CAMK2D: variants seen among roughly 807,000 people sequenced by gnomAD.
CAMK2D encodes the protein calcium/calmodulin-dependent protein kinase type II subunit delta.
CAMK2D carries 37 observed loss-of-function variants against 84.0 expected under a neutral mutation model. The ratio of observed to expected loss-of-function variants is 0.44; its 90% CI spans 0.34 to 0.58. CAMK2D has a LOEUF of 0.58. Ranked by LOEUF, CAMK2D falls within the 20% of genes least tolerant of loss-of-function variation. CAMK2D has a pLI of 0.02. For missense variants in CAMK2D, 448 were observed against 652.5 expected (o/e 0.69, Z 3.41); for synonymous variants, 202 against 212.5 (o/e 0.95, Z 0.43).
chr4:113,710,530 T>C (rs921635413), intron 2 of CAMK2D, among the ~76,000 whole-genome samples: 2 of 152,292 alleles, frequency 1.3e-5, no homozygotes, highest in South Asian at 2.1e-4. Context: ...ATTATTCCTT[T>C]CCTTTTATTC....
At position 113,460,236 on chromosome 4, in the gene CAMK2D, AT is replaced by A; in HGVS notation, c.1216del (p.Ile406SerfsTer17). On this transcript the variant is annotated frameshift_variant, in exon 18 of 21. Coordinates refer to ENST00000511664, the MANE Select transcript of CAMK2D (RefSeq NM_001321571.2). LOFTEE classifies it high-confidence loss of function. ...NNGDFEAYTK[I>X]CDPGLTAFEP... ...AAAAGCAGTAAGGCCTGGGTCACAG[AT>A]TTTTCTGTAAAAGAAAAATAATGAA... 1 of 1,574,850 alleles carries A rather than the reference AT, an allele frequency of 6.3e-7. No homozygotes were observed. Among genetic ancestry groups the A allele is most frequent in the Non-Finnish European group, 8.7e-7 (1 of 1,150,058 alleles).
At chr4:113,554,837 T>C (rs1179141548) in intron 4 of CAMK2D, among the ~76,000 whole-genome samples, 2 of 152,146 alleles carry the variant, frequency 1.3e-5, no homozygotes, top group African/African-American at 4.8e-5. Flanking sequence ...AATTAACTAA[T>C]TAGAGATTTT....
At chr4:113,633,440 A>G (rs966921001) in intron 3 of CAMK2D, among the ~76,000 whole-genome samples, 1 of 152,228 alleles carries the variant, frequency 6.6e-6, no homozygotes, top group Admixed American at 6.5e-5. Context: ...CAAAGAGTGC[A>G]ATAGGACACC....
intron 8 of CAMK2D, among the ~76,000 whole-genome samples, chr4:113,529,097 T>TTA (rs1015347837): frequency 5.3e-5 from 8 of 152,276 alleles, no homozygotes; most frequent in Admixed American, 2.6e-4. Context: ...ATATTCCTAT[T>TTA]TTACAGGTAA....
At chr4:113,568,330 T>TTG (rs2098735562) in intron 4 of CAMK2D, among the ~76,000 whole-genome samples, 1 of 152,208 alleles carries the variant, frequency 6.6e-6, no homozygotes, top group Admixed American at 6.5e-5. Context: ...CATTCAATAT[T>TTG]TGTGCTTTTG....
chr4:113,560,267 T>C (rs781644392), intron 4 of CAMK2D, among the ~76,000 whole-genome samples: 1 of 152,026 alleles, frequency 6.6e-6, no homozygotes, highest in Admixed American at 6.6e-5. Context: ...AATAGCTTCA[T>C]GGAGAGTTAA....
intron 12 of CAMK2D, among the ~76,000 whole-genome samples, chr4:113,512,637 A>ATCTC (rs1399002213): frequency 3.3e-5 from 5 of 152,088 alleles, no homozygotes; most frequent in African/African-American, 4.8e-5. Context: ...CAGTGGCGTG[A>ATCTC]TCTCTGCTCA....
intron 2 of CAMK2D, among the ~76,000 whole-genome samples, chr4:113,664,403 A>T (rs1384002739): frequency 6.6e-6 from 1 of 152,210 alleles, no homozygotes; most frequent in Non-Finnish European, 1.5e-5. Flanking sequence ...ACCAGGCTGC[A>T]ATCAAGGTGT....
chr4:113,606,442 C>G (rs1428402383), intron 4 of CAMK2D, among the ~76,000 whole-genome samples: 1 of 151,738 alleles, frequency 6.6e-6, no homozygotes, highest in African/African-American at 2.4e-5. Context: ...TGCACTCAAG[C>G]CTGAATCGCA....
chr4:113,584,550 G>A (rs1464672648), intron 4 of CAMK2D, among the ~76,000 whole-genome samples: 4 of 152,202 alleles, frequency 2.6e-5, no homozygotes, highest in Admixed American at 2.6e-4. Context: ...TCATGAACCA[G>A]AGAGGCTTCC....
intron 2 of CAMK2D, among the ~76,000 whole-genome samples, chr4:113,673,177 T>C (rs2099300153): frequency 1.3e-5 from 2 of 152,018 alleles, no homozygotes; most frequent in African/African-American, 2.4e-5. Flanking sequence ...GGTACCAAAT[T>C]GGAAGGGAAT....
chr4:113,622,042 T>C (rs563569434), intron 3 of CAMK2D, among the ~76,000 whole-genome samples: 35 of 152,324 alleles, frequency 2.3e-4, no homozygotes, highest in African/African-American at 7.9e-4. Context: ...TTCTTTTTTT[T>C]CAAAATTAAC....
At chr4:113,755,017 C>T in intron 2 of CAMK2D, 1 of 983,016 alleles carries the variant, frequency 1.0e-6, no homozygotes, top group Non-Finnish European at 1.2e-6. Flanking sequence ...AATCCATCTA[C>T]ATAGTCTCAG....
At chr4:113,493,779 C>T (rs2097882432) in intron 16 of CAMK2D, among the ~76,000 whole-genome samples, 1 of 151,656 alleles carries the variant, frequency 6.6e-6, no homozygotes, top group Non-Finnish European at 1.5e-5. Context: ...TTCAGGTACA[C>T]CAATCAGACG....
intron 2 of CAMK2D, among the ~76,000 whole-genome samples, chr4:113,739,740 G>A (rs929946521): frequency 1.3e-5 from 2 of 152,050 alleles, no homozygotes; most frequent in African/African-American, 4.8e-5. Flanking sequence ...TTTACAAAGT[G>A]AAAATGGTCA....
chr4:113,699,462 C>T (rs1015488985), intron 2 of CAMK2D, among the ~76,000 whole-genome samples: 1 of 152,080 alleles, frequency 6.6e-6, no homozygotes. Context: ...CACAGAACAT[C>T]AACTAGAAGC....
chr4:113,732,211 A>G (rs1250276666), intron 2 of CAMK2D, among the ~76,000 whole-genome samples: 1 of 151,838 alleles, frequency 6.6e-6, no homozygotes, highest in African/African-American at 2.4e-5. Context: ...GTTGCCTCAA[A>G]CTTCTGGGCT....
intron 4 of CAMK2D, among the ~76,000 whole-genome samples, chr4:113,597,716 G>T (rs193260717): frequency 6.6e-6 from 1 of 152,160 alleles, no homozygotes; most frequent in African/African-American, 2.4e-5. Context: ...GCTAACTGGC[G>T]CACAGGTCTA....
At chr4:113,514,065 A>T in intron 10 of CAMK2D, 152 bp from the exon 11 acceptor site, 1 of 491,818 alleles carries the variant, frequency 2.0e-6, no homozygotes. Context: ...CCTAAAAATA[A>T]AATTTTAGTT....
Sources: allele counts gnomAD v4.1 joint callset (sites outside exome capture counted in the v4.1 genomes callset), GRCh38; gene constraint gnomAD v4.1.1; transcripts MANE v1.5; gene names NCBI Gene and HGNC (gene_info 2026-07-23, HGNC 2026-07-21).